NKAIN3: variants seen among roughly 807,000 people sequenced by gnomAD.
NKAIN3 encodes sodium/potassium transporting ATPase interacting 3, also known as sodium/potassium-transporting ATPase subunit beta-1-interacting protein 3.
Under a neutral mutation model 30.2 loss-of-function variants are expected in NKAIN3, and 25 were observed. That is an observed-to-expected ratio of 0.83 (90% confidence interval 0.60 to 1.16). The LOEUF is 1.16. Among genes scored for constraint, NKAIN3 ranks in the 50% most tolerant of loss-of-function variants. The probability of loss-of-function intolerance (pLI) is 0.00; values close to 1 mark genes in which losing one functional copy is unlikely to be tolerated. For missense variants in NKAIN3, 225 were observed against 254.1 expected (o/e 0.89, Z 0.78); for synonymous variants, 91 against 89.6 (o/e 1.02, Z -0.09).
At chr8:62,408,175 C>A (rs1489578100) in intron 1 of NKAIN3, among the ~76,000 whole-genome samples, 1 of 152,118 alleles carries the variant, frequency 6.6e-6, no homozygotes, top group Non-Finnish European at 1.5e-5. Flanking sequence ...ACTTTGAACA[C>A]AAAATTTTGA....
At chr8:62,686,860 ATTAC>A (rs1472291770) in intron 3 of NKAIN3, among the ~76,000 whole-genome samples, 1 of 152,230 alleles carries the variant, frequency 6.6e-6, no homozygotes, top group East Asian at 1.9e-4. Flanking sequence ...ATATGGGTTA[ATTAC>A]TTAGCACAAA....
At chr8:62,832,156 G>T (rs1043434343) in intron 4 of NKAIN3, among the ~76,000 whole-genome samples, 2 of 151,508 alleles carry the variant, frequency 1.3e-5, no homozygotes, top group Non-Finnish European at 2.9e-5. Context: ...TTCCATAAAA[G>T]CCATCACTAA....
intron 1 of NKAIN3, among the ~76,000 whole-genome samples, chr8:62,251,371 A>G (rs532639754): frequency 1.8e-4 from 28 of 152,122 alleles, no homozygotes; most frequent in Non-Finnish European, 3.7e-4. Context: ...AATGATAGCA[A>G]TAGTAAAATA....
chr8:62,881,026 G>A (rs547357888), intron 4 of NKAIN3, among the ~76,000 whole-genome samples: 1 of 152,014 alleles, frequency 6.6e-6, no homozygotes, highest in Non-Finnish European at 1.5e-5. Context: ...CCGTAAAACT[G>A]TTCTAAAAAA....
chr8:62,544,753 TC>T (rs1808955056), intron 1 of NKAIN3, among the ~76,000 whole-genome samples: 1 of 152,132 alleles, frequency 6.6e-6, no homozygotes, highest in African/African-American at 2.4e-5. Flanking sequence ...GGGCACTGAT[TC>T]CCCTTGCAGC....
In NKAIN3 at chr8:62,977,350, C is replaced by A. The variant is rs569613008; in HGVS notation, c.*11943C>A. Among the ~76,000 whole-genome samples, 1 of 152,254 alleles carries A rather than the reference C, an allele frequency of 6.6e-6. No homozygotes were observed. Among genetic ancestry groups the A allele is most frequent in the African/African-American group, 2.4e-5 (1 of 41,564 alleles). On this transcript the variant is annotated 3_prime_UTR_variant, in exon 7 of 7. Coordinates refer to ENST00000623646, the MANE Select transcript of NKAIN3 (RefSeq NM_001304533.3). ...TACACCAATCAAACGTTGGCTTGGT[C>A]TTTTCACATAGTCCCATATTTCTGA...
intron 1 of NKAIN3, among the ~76,000 whole-genome samples, chr8:62,305,702 G>A (rs919237250): frequency 7.3e-5 from 11 of 150,436 alleles, no homozygotes; most frequent in Non-Finnish European, 4.4e-5. Flanking sequence ...TGGGCCACAA[G>A]CACTAAAGTG....
intron 4 of NKAIN3, among the ~76,000 whole-genome samples, chr8:62,852,389 T>A (rs1194267530): frequency 6.6e-6 from 1 of 152,166 alleles, no homozygotes; most frequent in Non-Finnish European, 1.5e-5. Context: ...ATTTTGTTGA[T>A]CTTTTCAAAA....
chr8:62,767,104 T>C (rs573221395), intron 4 of NKAIN3, among the ~76,000 whole-genome samples: 54 of 152,096 alleles, frequency 3.6e-4, no homozygotes, highest in Non-Finnish European at 7.1e-4. Context: ...TCCCTTTTAG[T>C]TAGAGAGCTA....
chr8:62,327,590 C>A (rs959656082), intron 1 of NKAIN3, among the ~76,000 whole-genome samples: 79 of 152,064 alleles, frequency 5.2e-4, no homozygotes, highest in African/African-American at 1.8e-3. Context: ...CATTGAATAG[C>A]CTTACCACTC....
At chr8:62,350,296 T>G (rs537019520) in intron 1 of NKAIN3, among the ~76,000 whole-genome samples, 1 of 152,222 alleles carries the variant, frequency 6.6e-6, no homozygotes, top group African/African-American at 2.4e-5. Context: ...TAAAAAGGAA[T>G]GTAATTTCAA....
chr8:62,930,534 G>A (rs897528606), intron 5 of NKAIN3, among the ~76,000 whole-genome samples: 3 of 152,106 alleles, frequency 2.0e-5, no homozygotes, highest in Non-Finnish European at 4.4e-5. Flanking sequence ...GATTACAGGC[G>A]TGAGTCACAG....
chr8:62,465,820 C>T (rs545349156), intron 1 of NKAIN3, among the ~76,000 whole-genome samples: 26 of 152,132 alleles, frequency 1.7e-4, no homozygotes, highest in African/African-American at 5.8e-4. Flanking sequence ...GTCAGGAGTT[C>T]GAGACCAGCC....
chr8:62,673,074 G>A (rs1407412163), intron 3 of NKAIN3, among the ~76,000 whole-genome samples: 1 of 152,136 alleles, frequency 6.6e-6, no homozygotes, highest in Non-Finnish European at 1.5e-5. Flanking sequence ...AAAAAGTCTA[G>A]CAGCTTTCTC....
intron 1 of NKAIN3, among the ~76,000 whole-genome samples, chr8:62,460,941 G>A (rs184482883): frequency 1.6e-3 from 247 of 152,290 alleles, no homozygotes; most frequent in South Asian, 6.8e-3. Context: ...TGAATTGTCC[G>A]TAGGAGCTTA....
intron 4 of NKAIN3, among the ~76,000 whole-genome samples, chr8:62,801,612 C>T (rs1036711663): frequency 6.6e-6 from 1 of 152,168 alleles, no homozygotes; most frequent in African/African-American, 2.4e-5. Flanking sequence ...ACCAAAAACC[C>T]ATCTGTACAT....
chr8:62,835,054 T>A (rs6983229), intron 4 of NKAIN3, among the ~76,000 whole-genome samples: 125,409 of 152,064 alleles, frequency 0.82, 51,835 homozygotes, highest in South Asian at 0.88. Context: ...TGACAAAGCT[T>A]ACAAAAATAA....
chr8:62,622,282 A>G (rs1025743572), intron 3 of NKAIN3, among the ~76,000 whole-genome samples: 1 of 151,932 alleles, frequency 6.6e-6, no homozygotes, highest in African/African-American at 2.4e-5. Flanking sequence ...CTAAGTTTTT[A>G]TTTCTCTGTG....
chr8:62,535,125 A>G (rs1326446026), intron 1 of NKAIN3, among the ~76,000 whole-genome samples: 1 of 152,190 alleles, frequency 6.6e-6, no homozygotes, highest in East Asian at 1.9e-4. Flanking sequence ...CAAAATTGGT[A>G]GAGCTAGCAG....
Sources: allele counts gnomAD v4.1 joint callset (sites outside exome capture counted in the v4.1 genomes callset), GRCh38; gene constraint gnomAD v4.1.1; transcripts MANE v1.5; gene names NCBI Gene and HGNC (gene_info 2026-07-23, HGNC 2026-07-21).